The following IL23R variants were observed in gnomAD, a reference collection of about 807,000 sequenced individuals.
The protein encoded by IL23R is interleukin-23 receptor.
A neutral mutation model predicts 56.9 loss-of-function variants in IL23R; 34 were observed. That is an observed-to-expected ratio of 0.60 (90% CI 0.45 to 0.80). The LOEUF is 0.80. Among genes scored for constraint, IL23R ranks in the 30% least tolerant of loss-of-function variants. The pLI, the probability that IL23R is intolerant of heterozygous loss-of-function variation, is 0.00. For missense variants in IL23R, 635 were observed against 730.0 expected (o/e 0.87, Z 1.50); for synonymous variants, 230 against 249.2 (o/e 0.92, Z 0.73).
intron 1 of IL23R, among the ~76,000 whole-genome samples, chr1:67,167,288 C>G (rs1283658723): frequency 6.6e-6 from 1 of 152,178 alleles, no homozygotes; most frequent in Non-Finnish European, 1.5e-5. Context: ...CCAGCCTGAT[C>G]TCGAACTCCT....
At chr1:67,249,291 A>T (rs1652465459) in intron 9 of IL23R, among the ~76,000 whole-genome samples, 1 of 152,242 alleles carries the variant, frequency 6.6e-6, no homozygotes, top group South Asian at 2.1e-4. Flanking sequence ...ACGAATTTAA[A>T]GTTATTAGAA....
At chr1:67,211,278 C>G (rs1649450940) in intron 6 of IL23R, among the ~76,000 whole-genome samples, 2 of 152,128 alleles carry the variant, frequency 1.3e-5, no homozygotes, top group Non-Finnish European at 2.9e-5. Flanking sequence ...TAATAAGACA[C>G]CTGGGGTCCT....
At chr1:67,194,923 T>C (rs1310006907) in intron 4 of IL23R, among the ~76,000 whole-genome samples, 3 of 152,264 alleles carry the variant, frequency 2.0e-5, no homozygotes, top group Non-Finnish European at 4.4e-5. Context: ...TTTAACGGCA[T>C]AATTTAACTT....
At chr1:67,189,822 G>C (rs546772337) in intron 4 of IL23R, among the ~76,000 whole-genome samples, 1 of 152,234 alleles carries the variant, frequency 6.6e-6, no homozygotes, top group East Asian at 1.9e-4. Context: ...AGCCAGGCGT[G>C]TTGGCGGGTG....
intron 7 of IL23R, among the ~76,000 whole-genome samples, chr1:67,234,322 A>G (rs1009934329): frequency 2.0e-5 from 3 of 152,182 alleles, no homozygotes; most frequent in African/African-American, 7.2e-5. Context: ...AAATTTCCCT[A>G]TGAGGATTAA....
chr1:67,217,293 T>C (rs949860265), intron 6 of IL23R, among the ~76,000 whole-genome samples: 2 of 152,190 alleles, frequency 1.3e-5, no homozygotes, highest in African/African-American at 4.8e-5. Context: ...AGTCCAGCTC[T>C]TTCAATGTTC....
In IL23R at chr1:67,258,588, C is replaced by T. The variant is rs951245638; in HGVS notation, c.1350C>T (p.Tyr450=). 6.8e-6 allele frequency: 11 copies of T among 1,613,466 alleles called. No individual in the cohort carries two copies. In the Admixed American group the frequency reaches 1.7e-4, roughly 24 times the overall value. Residue 450 remains tyrosine (Y), a synonymous_variant, in exon 11 of 11, where the codon TAC becomes TAT. Transcript: ENST00000347310. ...IFIPEHKPTD[Y]KKENTGPLET... is the part of the protein sequence containing the mutation. ...TCCCAGAACACAAGCCTACAGACTA[C>T]AAGAAGGAGAATACAGGACCCCTGG... is the stretch of plus-strand genomic sequence containing the variant.
At chr1:67,243,059 G>T (rs749902642) in intron 9 of IL23R, among the ~76,000 whole-genome samples, 3 of 152,086 alleles carry the variant, frequency 2.0e-5, no homozygotes, top group Non-Finnish European at 4.4e-5. Flanking sequence ...TCCATTACAA[G>T]TCGTAAAATG....
At chr1:67,257,969 T>C (rs1210127097) in intron 10 of IL23R, among the ~76,000 whole-genome samples, 1 of 152,144 alleles carries the variant, frequency 6.6e-6, no homozygotes, top group Non-Finnish European at 1.5e-5. Context: ...CTCAAAGTGC[T>C]GGGATTACAG....
intron 7 of IL23R, among the ~76,000 whole-genome samples, chr1:67,220,370 A>G (rs955382438): frequency 6.6e-6 from 1 of 151,718 alleles, no homozygotes; most frequent in Non-Finnish European, 1.5e-5. Context: ...CTTGGTCTCA[A>G]AAAAAAATAA....
intron 1 of IL23R, among the ~76,000 whole-genome samples, chr1:67,145,750 G>A (rs1325330327): frequency 6.6e-6 from 1 of 152,210 alleles, no homozygotes; most frequent in Non-Finnish European, 1.5e-5. Flanking sequence ...TCACAAAACT[G>A]CATTCTCTGG....
At chr1:67,246,727 T>G (rs1404194255) in intron 9 of IL23R, among the ~76,000 whole-genome samples, 1 of 152,190 alleles carries the variant, frequency 6.6e-6, no homozygotes, top group Non-Finnish European at 1.5e-5. Flanking sequence ...GTGTTTTACT[T>G]ACAATTATGT....
intron 8 of IL23R, among the ~76,000 whole-genome samples, chr1:67,238,352 A>AAAAT (rs1489569662): frequency 4.0e-5 from 6 of 150,768 alleles, no homozygotes; most frequent in Non-Finnish European, 8.8e-5. Flanking sequence ...AAAAAAAAAA[A>AAAAT]AAAGAGGAAA....
intron 7 of IL23R, among the ~76,000 whole-genome samples, chr1:67,227,944 T>TTCTC (rs1558253740): frequency 1.7e-4 from 1 of 6,056 alleles, no homozygotes; most frequent in Non-Finnish European, 4.6e-4. Context: ...ACAAAGATCT[T>TTCTC]TCTTTCTTTC....
At chr1:67,145,619 C>T (rs1558214465) in intron 1 of IL23R, among the ~76,000 whole-genome samples, 1 of 152,130 alleles carries the variant, frequency 6.6e-6, no homozygotes, top group Non-Finnish European at 1.5e-5. Context: ...CGGTGTTTGG[C>T]ATACATTAGA....
At chr1:67,147,678 T>C (rs1252817934) in intron 1 of IL23R, among the ~76,000 whole-genome samples, 1 of 151,950 alleles carries the variant, frequency 6.6e-6, no homozygotes, top group African/African-American at 2.4e-5. Context: ...CACTCCAGCC[T>C]GGGCGACAGA....
rs1653126925 is a variant in IL23R, at chr1:67,259,500, G to A, written c.*372G>A. 3.4e-6 allele frequency: 1 copy of A among 290,426 alleles called. No individual in the cohort carries two copies. The highest frequency in any genetic ancestry group is 6.6e-6 in the Non-Finnish European group (1 of 152,338). The allele number at this position is 290,426 out of a possible 1,614,324, so 18.0% of individuals were successfully genotyped here. ...AACATGCTTCATGGTCACACATACA[G>A]GCACAAAAACAGCATTATGTGGACG... On this transcript the variant is annotated 3_prime_UTR_variant, in exon 11 of 11. Transcript: ENST00000347310.
At chr1:67,235,513 C>A (rs1272343224) in intron 7 of IL23R, among the ~76,000 whole-genome samples, 2 of 151,962 alleles carry the variant, frequency 1.3e-5, no homozygotes. Flanking sequence ...CCTGTCTCAG[C>A]CTCCCAAGTA....
chr1:67,242,472 G>T (rs80174646), intron 9 of IL23R, among the ~76,000 whole-genome samples: 8,730 of 152,254 alleles, frequency 0.057, 290 homozygotes, highest in Middle Eastern at 0.088. Context: ...TGATAGTAGA[G>T]AAGTCTTAAT....
Sources: allele counts gnomAD v4.1 joint callset (sites outside exome capture counted in the v4.1 genomes callset), GRCh38; gene constraint gnomAD v4.1.1; transcripts MANE v1.5; gene names NCBI Gene and HGNC (gene_info 2026-07-23, HGNC 2026-07-21).